The following PCLO variants were observed in gnomAD, a reference collection of about 807,000 sequenced individuals.
PCLO encodes the protein protein piccolo.
PCLO carries 82 observed loss-of-function variants against 427.5 expected under a neutral mutation model. That is an observed-to-expected ratio of 0.19 (90% CI 0.16 to 0.23). The LOEUF is 0.23. Among genes scored for constraint, PCLO ranks in the 10% least tolerant of loss-of-function variants. PCLO has a pLI of 1.00. For missense variants in PCLO, 6,239 were observed against 6,115.9 expected, an observed-to-expected ratio of 1.02 and a Z score of -0.67; for synonymous variants, 2,357 against 2,155.4, an observed-to-expected ratio of 1.09 and a Z score of -2.59.
At chr7:83,095,135 GTAA>G (rs1790499911) in intron 3 of PCLO, among the ~76,000 whole-genome samples, 1 of 152,104 alleles carries the variant, frequency 6.6e-6, no homozygotes, top group African/African-American at 2.4e-5. Context: ...ATTCAATTCT[GTAA>G]TAGTTGCAGA....
At chr7:83,102,444 T>C (rs1026601469) in intron 3 of PCLO, among the ~76,000 whole-genome samples, 3 of 151,978 alleles carry the variant, frequency 2.0e-5, no homozygotes, top group Admixed American at 1.3e-4. Flanking sequence ...TTTTACATAA[T>C]TTTCCCTCAC....
At chr7:83,009,271 A>G (rs1583902381) in intron 3 of PCLO, among the ~76,000 whole-genome samples, 1 of 151,970 alleles carries the variant, frequency 6.6e-6, no homozygotes, top group African/African-American at 2.4e-5. Context: ...AAATGAACTC[A>G]TTGGCATAAT....
intron 3 of PCLO, among the ~76,000 whole-genome samples, chr7:83,114,497 T>C (rs1008488955): frequency 9.2e-5 from 14 of 152,022 alleles, no homozygotes; most frequent in Admixed American, 2.6e-4. Flanking sequence ...AAAGATTCAA[T>C]AGAACATGAT....
At chr7:83,050,063 G>C (rs1789195599) in intron 3 of PCLO, among the ~76,000 whole-genome samples, 2 of 150,648 alleles carry the variant, frequency 1.3e-5, no homozygotes. Context: ...TCTGTTCTCG[G>C]TGTACCAAAG....
intron 4 of PCLO, 91 bp downstream of exon 4, chr7:82,965,680 A>G: frequency 1.3e-6 from 1 of 769,834 alleles, no homozygotes; most frequent in South Asian, 1.9e-5. Flanking sequence ...AACTTCACTT[A>G]TATAATTACC....
intron 22 of PCLO, among the ~76,000 whole-genome samples, chr7:82,797,457 C>T (rs915092914): frequency 2.6e-5 from 4 of 152,054 alleles, no homozygotes; most frequent in African/African-American, 9.7e-5. Flanking sequence ...CTCATCTGTA[C>T]AATTTGAAAG....
intron 22 of PCLO, among the ~76,000 whole-genome samples, chr7:82,786,020 T>G (rs1410579446): frequency 6.6e-6 from 1 of 152,158 alleles, no homozygotes; most frequent in Non-Finnish European, 1.5e-5. Context: ...GTAAAAGAGA[T>G]GTGAAGATGA....
chr7:82,850,893 C>A (rs115077220), intron 10 of PCLO, among the ~76,000 whole-genome samples: 2,567 of 152,040 alleles, frequency 0.017, 88 homozygotes, highest in African/African-American at 0.059. Flanking sequence ...GGAGGAAGTT[C>A]CAAAACTTTT....
At chr7:83,150,377 AG>A (rs1792098720) in intron 2 of PCLO, among the ~76,000 whole-genome samples, 1 of 152,238 alleles carries the variant, frequency 6.6e-6, no homozygotes, top group Non-Finnish European at 1.5e-5. Context: ...TCAAAGGCCT[AG>A]GCTTGCAGCC....
At chr7:83,072,480 A>G (rs187114371) in intron 3 of PCLO, among the ~76,000 whole-genome samples, 2 of 152,188 alleles carry the variant, frequency 1.3e-5, no homozygotes, top group East Asian at 3.9e-4. Context: ...CTCGTCACCA[A>G]AAGTTTTGTA....
chr7:82,918,534 T>A (rs975530718), intron 6 of PCLO, among the ~76,000 whole-genome samples: 2 of 151,988 alleles, frequency 1.3e-5, no homozygotes, highest in Non-Finnish European at 2.9e-5. Flanking sequence ...AAAATTAAGA[T>A]CCTACAATAA....
intron 3 of PCLO, among the ~76,000 whole-genome samples, chr7:83,129,623 T>C (rs1431559383): frequency 6.6e-6 from 1 of 152,148 alleles, no homozygotes; most frequent in Admixed American, 6.5e-5. Context: ...CCTTGGGAAA[T>C]AGTTAAAAAT....
intron 9 of PCLO, among the ~76,000 whole-genome samples, chr7:82,895,736 A>G (rs1291168692): frequency 6.6e-6 from 1 of 151,930 alleles, no homozygotes; most frequent in Non-Finnish European, 1.5e-5. Context: ...TTTTAGAAAG[A>G]CTCAAATTAC....
intron 3 of PCLO, among the ~76,000 whole-genome samples, chr7:83,035,028 A>T (rs764602410): frequency 6.6e-6 from 1 of 152,200 alleles, no homozygotes; most frequent in Non-Finnish European, 1.5e-5. Context: ...TTTCTTCAAA[A>T]TGTATAACTC....
intron 2 of PCLO, among the ~76,000 whole-genome samples, chr7:83,137,402 G>A (rs1791755964): frequency 6.6e-6 from 1 of 152,102 alleles, no homozygotes; most frequent in African/African-American, 2.4e-5. Flanking sequence ...GTTAAACATG[G>A]GTGGTTGGTA....
chr7:82,776,345 C>A (rs1164195035), intron 22 of PCLO, among the ~76,000 whole-genome samples: 8 of 152,132 alleles, frequency 5.3e-5, no homozygotes, highest in African/African-American at 1.9e-4. Context: ...GTAATCCCAG[C>A]ACTTTGGGAG....
Position 82,908,943 on chromosome 7 carries a change from A to G in PCLO, c.13371T>C (p.His4457=). ...TTTCCGGCAGTTTTCGGTCCAGACC[A>G]TGTCCATTTTCCAAACGAGACTCCC... ...KPRESRLENG[H]GLDRKLPERL... is the part of the protein sequence containing the mutation. Residue 4457 remains histidine (H), a synonymous_variant, in exon 8 of 25, where the codon CAT becomes CAC. Coordinates refer to ENST00000333891, the MANE Select transcript of PCLO (RefSeq NM_033026.6). The G allele has an allele frequency of 6.2e-7, 1 of 1,612,948 alleles. No individual in the cohort carries two copies. The highest frequency in any genetic ancestry group is 1.1e-5 in the South Asian group (1 of 91,062).
intron 16 of PCLO, among the ~76,000 whole-genome samples, chr7:82,828,789 C>T (rs1055530234): frequency 9.2e-5 from 14 of 152,274 alleles, no homozygotes; most frequent in African/African-American, 3.4e-4. Flanking sequence ...ATGGTGCCCA[C>T]ACAGACAAGG....
chr7:83,014,401 A>C (rs894274841), intron 3 of PCLO, among the ~76,000 whole-genome samples: 1 of 152,168 alleles, frequency 6.6e-6, no homozygotes, highest in Non-Finnish European at 1.5e-5. Context: ...ATAAAAATAA[A>C]TTCCCCTCTC....
Sources: allele counts gnomAD v4.1 joint callset (sites outside exome capture counted in the v4.1 genomes callset), GRCh38; gene constraint gnomAD v4.1.1; transcripts MANE v1.5; gene names NCBI Gene and HGNC (gene_info 2026-07-23, HGNC 2026-07-21).